Variants in TGFBR3 observed in about 807,000 individuals in gnomAD.
The protein encoded by TGFBR3 is transforming growth factor beta receptor type 3.
Under a neutral mutation model 87.9 loss-of-function variants are expected in TGFBR3, and 46 were observed. The ratio of observed to expected loss-of-function variants is 0.52; its 90% CI spans 0.41 to 0.67. The LOEUF is 0.67. Among genes scored for constraint, TGFBR3 ranks in the 30% least tolerant of loss-of-function variants. The probability of loss-of-function intolerance (pLI) is 0.00; values close to 1 mark genes in which losing one functional copy is unlikely to be tolerated. For missense variants in TGFBR3, 866 were observed against 1,041.9 expected (o/e 0.83, Z 2.32); for synonymous variants, 381 against 391.6 (o/e 0.97, Z 0.32).
At chr1:91,727,447 C>T (rs1672589166) in intron 7 of TGFBR3, among the ~76,000 whole-genome samples, 1 of 152,196 alleles carries the variant, frequency 6.6e-6, no homozygotes, top group African/African-American at 2.4e-5. Flanking sequence ...GTGGGATTAC[C>T]TGGACTCAGA....
intron 3 of TGFBR3, chr1:91,770,720 G>A (rs1674349009): frequency 6.6e-6 from 1 of 152,108 alleles, no homozygotes. Context: ...CTGTTATGTT[G>A]GCAGTACACA....
intron 1 of TGFBR3, among the ~76,000 whole-genome samples, chr1:91,868,870 G>A (rs1438021901): frequency 6.6e-6 from 1 of 152,182 alleles, no homozygotes; most frequent in Non-Finnish European, 1.5e-5. Context: ...CCAGGCATGT[G>A]AAACACTAAG....
intron 10 of TGFBR3, 28 bp from the exon 11 acceptor site, chr1:91,716,736 G>A (rs1352039624): frequency 6.2e-7 from 1 of 1,613,958 alleles, no homozygotes; most frequent in Non-Finnish European, 8.5e-7. Context: ...CACAGCCAAT[G>A]TTATAAAAAC....
intron 2 of TGFBR3, among the ~76,000 whole-genome samples, chr1:91,811,646 T>C (rs992646292): frequency 1.4e-4 from 21 of 152,132 alleles, no homozygotes; most frequent in Admixed American, 9.8e-4. Context: ...GAGAGAAGGG[T>C]ATAATTCAAT....
chr1:91,791,013 G>C (rs1446484873), intron 3 of TGFBR3, among the ~76,000 whole-genome samples: 1 of 152,166 alleles, frequency 6.6e-6, no homozygotes, highest in Non-Finnish European at 1.5e-5. Context: ...CATATAGATA[G>C]GTAGGTAGGT....
intron 1 of TGFBR3, among the ~76,000 whole-genome samples, chr1:91,882,461 T>A (rs1481901921): frequency 6.6e-6 from 1 of 151,138 alleles, no homozygotes; most frequent in African/African-American, 2.4e-5. Context: ...AAAGTCAAGT[T>A]TGGCCAGGCA....
chr1:91,837,221 A>ATTAT (rs3039475), intron 2 of TGFBR3, among the ~76,000 whole-genome samples: 38,441 of 149,194 alleles, frequency 0.26, 5,117 homozygotes, highest in East Asian at 0.34. Context: ...AAGTAAGGAT[A>ATTAT]TTATTTATTT....
intron 14 of TGFBR3, among the ~76,000 whole-genome samples, chr1:91,708,024 T>A (rs1284424807): frequency 6.6e-6 from 1 of 152,210 alleles, no homozygotes; most frequent in Non-Finnish European, 1.5e-5. Context: ...TCCTCTCAGG[T>A]ACTGATGCCA....
At chr1:91,783,831 A>G (rs1488943395) in intron 3 of TGFBR3, among the ~76,000 whole-genome samples, 2 of 152,228 alleles carry the variant, frequency 1.3e-5, no homozygotes, top group African/African-American at 4.8e-5. Context: ...AAGGTATTTA[A>G]TAATACACGG....
chr1:91,812,289 C>CA (rs760776314), intron 2 of TGFBR3, among the ~76,000 whole-genome samples: 3 of 152,172 alleles, frequency 2.0e-5, no homozygotes, highest in Non-Finnish European at 4.4e-5. Flanking sequence ...ACCTTTCCGC[C>CA]ACACAATAAA....
In TGFBR3 at chr1:91,683,482, G is replaced by A. The variant is rs1387703462; in HGVS notation, c.*257C>T. 3.0e-6 allele frequency: 2 copies of A among 672,000 alleles called. No individual in the cohort carries two copies. The highest frequency in any genetic ancestry group is 3.5e-5 in the African/African-American group (2 of 56,678). 41.6% of individuals were successfully genotyped at this position (672,000 alleles called of 1,614,324 possible). A position where few individuals can be genotyped will look rare whatever the true frequency, so the allele number is the denominator to read the frequency against. Reference sequence around the variant, plus strand: ...AAACCCCCAAGCCTGTGAGGGGCTGGTGGAGAAGACCACCATTTTAGCTTT... The same window carrying A: ...AAACCCCCAAGCCTGTGAGGGGCTGATGGAGAAGACCACCATTTTAGCTTT... On this transcript the variant is annotated 3_prime_UTR_variant, in exon 17 of 17. Coordinates refer to ENST00000212355, the MANE Select transcript of TGFBR3 (RefSeq NM_003243.5).
In TGFBR3 at chr1:91,682,177, A is replaced by G. The variant is rs1267896056; in HGVS notation, c.*1562T>C. 5 of 453,978 alleles carry G rather than the reference A, an allele frequency of 1.1e-5. 1 individual carries two copies. The East Asian group carries it at 3.5e-4, about 32-fold the overall frequency. 28.1% of individuals were successfully genotyped at this position (453,978 alleles called of 1,614,324 possible). On this transcript the variant is annotated 3_prime_UTR_variant, in exon 17 of 17. Transcript: ENST00000212355. ...ATGTAGACACTGCCCTAAGGTTTTAAGCTTCATCAGGATTACCTACTGAGG... is the reference window on the plus strand; with the variant it reads ...ATGTAGACACTGCCCTAAGGTTTTAGGCTTCATCAGGATTACCTACTGAGG...
At chr1:91,687,473 T>C (rs1051924982) in intron 16 of TGFBR3, among the ~76,000 whole-genome samples, 1 of 152,254 alleles carries the variant, frequency 6.6e-6, no homozygotes, top group East Asian at 1.9e-4. Flanking sequence ...ATTACAACTG[T>C]ATTCTTATTT....
At position 91,758,736 on chromosome 1, in the gene TGFBR3, C is replaced by T; in HGVS notation, c.261G>A (p.Leu87=). 2 of 1,613,880 alleles carry T rather than the reference C, an allele frequency of 1.2e-6. No individual in the cohort carries two copies. The highest frequency in any genetic ancestry group is 1.7e-6 in the Non-Finnish European group (2 of 1,179,896). The change falls in exon 4 of 17, where the codon CTG becomes CTA. Residue 87 remains leucine (L), a synonymous_variant. Transcript: ENST00000212355. ...GQLQREVTLH[L]NPISSVHIHH... ...GGATGTGGACTGAGGAGATGGGATT[C>T]AGGTGAAGTGTGACCTAGGAAGCAA...
In TGFBR3 at chr1:91,683,042, T is replaced by G; in HGVS notation, c.*697A>C. On this transcript the variant is annotated 3_prime_UTR_variant, in exon 17 of 17. Coordinates refer to ENST00000212355, the MANE Select transcript of TGFBR3 (RefSeq NM_003243.5). Reference sequence around the variant, plus strand: ...TTTGCATTAAGACATTTTGCAGTGGTGTATGCAAGTATGGGAAGAAACAGG... The same window carrying G: ...TTTGCATTAAGACATTTTGCAGTGGGGTATGCAAGTATGGGAAGAAACAGG... 1 of 454,492 alleles carries G rather than the reference T, an allele frequency of 2.2e-6. No homozygotes were observed. Among genetic ancestry groups the G allele is most frequent in the Non-Finnish European group, 4.4e-6 (1 of 226,792 alleles). The allele number at this position is 454,492 out of a possible 1,614,324, so 28.2% of individuals were successfully genotyped here.
At chr1:91,780,181 G>C (rs970100333) in intron 3 of TGFBR3, among the ~76,000 whole-genome samples, 2 of 152,140 alleles carry the variant, frequency 1.3e-5, no homozygotes. Context: ...AGGTTTAGGG[G>C]TTAGAACGTG....
At chr1:91,859,331 C>T (rs1678084672) in intron 2 of TGFBR3, among the ~76,000 whole-genome samples, 1 of 151,350 alleles carries the variant, frequency 6.6e-6, no homozygotes, top group African/African-American at 2.4e-5. Flanking sequence ...CAGCCTCAAA[C>T]CCACAAGGTG....
chr1:91,885,993 C>CA lies in TGFBR3; in HGVS notation c.-230dup. 1 of 452,760 alleles carries CA rather than the reference C, an allele frequency of 2.2e-6. No individual in the cohort carries two copies. The highest frequency in any genetic ancestry group is 7.0e-5 in the East Asian group (1 of 14,316). The allele number at this position is 452,760 out of a possible 1,614,324, so 28.0% of individuals were successfully genotyped here. ...AGCTCCGGCAGCTGCTGCGCCGCGG[C>CA]AAAACTACGCCATCCGGACCCGCTG... On this transcript the variant is annotated 5_prime_UTR_variant, in exon 1 of 17. Coordinates refer to ENST00000212355, the MANE Select transcript of TGFBR3 (RefSeq NM_003243.5).
intron 5 of TGFBR3, 120 bp downstream of exon 5, chr1:91,734,656 G>GT: frequency 7.8e-7 from 1 of 1,283,938 alleles, no homozygotes; most frequent in South Asian, 1.2e-5. Context: ...GACCCCTCAG[G>GT]TCCCTTCCAG....
Sources: gnomAD v4.1 joint callset for allele counts (sites outside exome capture counted in the v4.1 genomes callset) on GRCh38, gnomAD v4.1.1 for gene constraint, MANE v1.5 for transcripts, NCBI Gene and HGNC (gene_info 2026-07-23, HGNC 2026-07-21) for gene names.